SIPA1L3: variants seen among roughly 807,000 people sequenced by gnomAD.
The protein encoded by SIPA1L3 is signal-induced proliferation-associated 1-like protein 3.
SIPA1L3 carries 59 observed loss-of-function variants against 150.1 expected under a neutral mutation model. That is an observed-to-expected ratio of 0.39 (90% CI 0.32 to 0.49). The LOEUF (loss-of-function observed/expected upper bound fraction) is 0.49, where lower values mean the gene tolerates loss of function less well. Ranked by LOEUF, SIPA1L3 falls within the 20% of genes least tolerant of loss-of-function variation. The pLI, the probability that SIPA1L3 is intolerant of heterozygous loss-of-function variation, is 0.86. For synonymous variants in SIPA1L3, 1,070 were observed against 1,077.6 expected, an observed-to-expected ratio of 0.99 and a Z score of 0.14; for missense variants, 2,211 against 2,489.5, an observed-to-expected ratio of 0.89 and a Z score of 2.38.
chr19:37,988,317 G>A (rs1468846586), intron 1 of SIPA1L3, among the ~76,000 whole-genome samples: 3 of 152,176 alleles, frequency 2.0e-5, no homozygotes, highest in African/African-American at 4.8e-5. Context: ...CCAGGAGTTC[G>A]AGACCAGCCT....
chr19:38,163,195 A>G (rs893963944), intron 14 of SIPA1L3, among the ~76,000 whole-genome samples: 2 of 152,192 alleles, frequency 1.3e-5, no homozygotes, highest in African/African-American at 2.4e-5. Context: ...TCTGTTGTAT[A>G]AGAAAAAGTG....
Position 38,081,336 on chromosome 19 carries a change from G to T in SIPA1L3, c.-230G>T. ...CCTGCTCTGCGCTACTGAGCCACTC[G>T]GTCTGGAGCCCCCAGGACAGCACCT... is the stretch of plus-strand genomic sequence containing the variant. On this transcript the variant is annotated 5_prime_UTR_variant, in exon 3 of 22. Coordinates refer to ENST00000222345, the MANE Select transcript of SIPA1L3 (RefSeq NM_015073.3). 4.0e-6 allele frequency: 2 copies of T among 502,368 alleles called. No individual in the cohort carries two copies. The highest frequency in any genetic ancestry group is 3.0e-5 in the East Asian group (1 of 33,852). 31.1% of individuals were successfully genotyped at this position (502,368 alleles called of 1,614,324 possible).
intron 2 of SIPA1L3, among the ~76,000 whole-genome samples, chr19:38,034,911 C>T (rs909912292): frequency 5.3e-5 from 8 of 152,214 alleles, no homozygotes; most frequent in African/African-American, 1.2e-4. Flanking sequence ...CTCCCCTGCC[C>T]GTCCCTGTAG....
intron 1 of SIPA1L3, among the ~76,000 whole-genome samples, chr19:37,938,564 T>C (rs2046622180): frequency 6.6e-6 from 1 of 152,256 alleles, no homozygotes; most frequent in Admixed American, 6.5e-5. Flanking sequence ...TTCATTCATG[T>C]TTCTCCTTCT....
intron 10 of SIPA1L3, among the ~76,000 whole-genome samples, chr19:38,135,269 G>A (rs937097332): frequency 2.6e-5 from 4 of 152,074 alleles, no homozygotes; most frequent in African/African-American, 7.2e-5. Flanking sequence ...TGAACCTGAG[G>A]GTGTGGCCAC....
chr19:38,176,886 G>A (rs1381039951), intron 15 of SIPA1L3, among the ~76,000 whole-genome samples: 1 of 151,686 alleles, frequency 6.6e-6, no homozygotes, highest in Non-Finnish European at 1.5e-5. Flanking sequence ...CAGGAGAATC[G>A]CTTGAACCTG....
chr19:37,963,386 T>G (rs2145577620), intron 1 of SIPA1L3, among the ~76,000 whole-genome samples: 1 of 151,242 alleles, frequency 6.6e-6, no homozygotes, highest in African/African-American at 2.5e-5. Context: ...TCTCATTCCC[T>G]GGATCTTCCT....
intron 18 of SIPA1L3, among the ~76,000 whole-genome samples, chr19:38,196,058 C>G (rs528356157): frequency 8.7e-4 from 132 of 152,246 alleles, no homozygotes; most frequent in African/African-American, 3.1e-3. Flanking sequence ...TCCCGTCTGG[C>G]CTCAGTGTGG....
chr19:38,042,254 G>T (rs1968943106), intron 2 of SIPA1L3, among the ~76,000 whole-genome samples: 1 of 152,102 alleles, frequency 6.6e-6, no homozygotes, highest in African/African-American at 2.4e-5. Context: ...TCTTTGAAAG[G>T]CTCAGTTTCA....
intron 1 of SIPA1L3, among the ~76,000 whole-genome samples, chr19:38,015,721 T>TAAAAA (rs59452393): frequency 2.9e-5 from 3 of 102,162 alleles, no homozygotes; most frequent in Non-Finnish European, 5.5e-5. Context: ...AAGATCCTGT[T>TAAAAA]AAAAAAAAAA....
intron 2 of SIPA1L3, among the ~76,000 whole-genome samples, chr19:38,079,517 G>C (rs1969928858): frequency 6.6e-6 from 1 of 151,896 alleles, no homozygotes; most frequent in East Asian, 1.9e-4. Context: ...GTCTCTATAG[G>C]GTGATTTGGG....
At chr19:38,086,539 C>T (rs141342048) in intron 3 of SIPA1L3, among the ~76,000 whole-genome samples, 178 of 152,116 alleles carry the variant, frequency 1.2e-3, no homozygotes, top group Middle Eastern at 6.8e-3. Flanking sequence ...AAAATTTAGC[C>T]AGGTGTGGTG....
At chr19:37,987,219 C>T (rs1031374882) in intron 1 of SIPA1L3, among the ~76,000 whole-genome samples, 23 of 152,212 alleles carry the variant, frequency 1.5e-4, no homozygotes, top group Middle Eastern at 3.4e-3. Context: ...TGAGCCACCG[C>T]GCCCGGACAC....
rs144453861 is a variant in SIPA1L3 at position 37,927,521 on chromosome 19, CGTGTGTGT to C, written c.-379+20196_-379+20203del. ...TTTGGAATTCTCAGTGTCTGTTGTT[CGTGTGTGT>C]GTGTGTGTGTGTGTGTGTGTGTGTG... On this transcript the variant is annotated intron_variant, in intron 1 of 21. Transcript: ENST00000222345. Among the ~76,000 whole-genome samples the C allele has an allele frequency of 2.3e-3, 318 of 136,774 alleles. 2 individuals carry two copies. The highest frequency in any genetic ancestry group is 4.7e-3 in the African/African-American group (170 of 36,226). 89.7% of individuals were successfully genotyped at this position (136,774 alleles called of 152,430 possible). A position where few individuals can be genotyped will look rare whatever the true frequency, so the allele number is the denominator to read the frequency against.
At chr19:38,101,535 C>G (rs1265089309) in intron 6 of SIPA1L3, among the ~76,000 whole-genome samples, 2 of 152,078 alleles carry the variant, frequency 1.3e-5, no homozygotes, top group African/African-American at 4.8e-5. Context: ...CTCAGCCTCC[C>G]AACTAGCTGT....
In SIPA1L3 at chr19:38,153,912, C is replaced by T. The variant is rs573760192; in HGVS notation, c.3661+945C>T. On this transcript the variant is annotated intron_variant, in intron 13 of 21. Transcript: ENST00000222345. ...TCGAGTCACTGCACTCCAGCCTGAG[C>T]GACAGAGCAAGACTCTGTCTCAGAA... Among the ~76,000 whole-genome samples the T allele has an allele frequency of 1.8e-4, 27 of 151,784 alleles. No homozygotes were observed. In the East Asian group the frequency reaches 3.7e-3, roughly 21 times the overall value.
chr19:37,920,581 A>G (rs1305073095), intron 1 of SIPA1L3, among the ~76,000 whole-genome samples: 1 of 152,222 alleles, frequency 6.6e-6, no homozygotes, highest in Non-Finnish European at 1.5e-5. Context: ...TTTGAAATGT[A>G]TCATCATGAG....
chr19:37,910,280 G>T (rs1431271387), intron 1 of SIPA1L3, among the ~76,000 whole-genome samples: 1 of 152,104 alleles, frequency 6.6e-6, no homozygotes, highest in Non-Finnish European at 1.5e-5. Context: ...TAGAATGAGA[G>T]GCTATTTGGC....
intron 3 of SIPA1L3, among the ~76,000 whole-genome samples, chr19:38,086,836 T>G (rs1600045791): frequency 1.3e-5 from 2 of 152,154 alleles, no homozygotes; most frequent in East Asian, 1.9e-4. Context: ...AAGTAGGAAT[T>G]TATAGCCAAG....
Sources: gnomAD v4.1 joint callset for allele counts (sites outside exome capture counted in the v4.1 genomes callset) on GRCh38, gnomAD v4.1.1 for gene constraint, MANE v1.5 for transcripts, NCBI Gene and HGNC (gene_info 2026-07-23, HGNC 2026-07-21) for gene names.